LRRN2: variants seen among roughly 807,000 people sequenced by gnomAD.
The protein encoded by LRRN2 is leucine rich repeat neuronal 2, also known as leucine-rich repeat neuronal protein 2.
LRRN2 carries 10 observed loss-of-function variants against 35.7 expected under a neutral mutation model. The observed-to-expected ratio is 0.28, with a 90% confidence interval of 0.17 to 0.47. The LOEUF (loss-of-function observed/expected upper bound fraction) is 0.47. Ranked by LOEUF, LRRN2 falls within the 20% of genes least tolerant of loss-of-function variation. The pLI is 0.99. For synonymous variants in LRRN2, 391 were observed against 409.6 expected, an observed-to-expected ratio of 0.95 and a Z score of 0.55; for missense variants, 731 against 940.3, an observed-to-expected ratio of 0.78 and a Z score of 2.91.
At chr1:204,683,846 C>A (rs993995536) in intron 1 of LRRN2, among the ~76,000 whole-genome samples, 1 of 152,212 alleles carries the variant, frequency 6.6e-6, no homozygotes, top group South Asian at 2.1e-4. Context: ...CTGTTTCCAT[C>A]GTTTCGCCAC....
chr1:204,656,130 C>G (rs1337169184), intron 1 of LRRN2, among the ~76,000 whole-genome samples: 1 of 151,894 alleles, frequency 6.6e-6, no homozygotes, highest in Non-Finnish European at 1.5e-5. Flanking sequence ...AGGATGGTCT[C>G]GATCTCCTGA....
intron 1 of LRRN2, among the ~76,000 whole-genome samples, chr1:204,661,110 TTC>T (rs557635242): frequency 1.3e-5 from 2 of 152,106 alleles, no homozygotes; most frequent in African/African-American, 4.8e-5. Context: ...ATTAATTTTT[TTC>T]TCTCTCTCTA....
At chr1:204,674,984 G>C (rs189623055) in intron 1 of LRRN2, among the ~76,000 whole-genome samples, 6 of 152,206 alleles carry the variant, frequency 3.9e-5, no homozygotes, top group African/African-American at 1.4e-4. Flanking sequence ...TAACGGACGA[G>C]TTCATGAGAG....
Position 204,618,845 on chromosome 1 carries a change from G to A in LRRN2, c.1148C>T (p.Thr383Met), listed in dbSNP as rs771585869. 15 of 1,614,132 alleles carry A rather than the reference G, an allele frequency of 9.3e-6. No homozygotes were observed. Among genetic ancestry groups the A allele is most frequent in the Middle Eastern group, 1.6e-4 (1 of 6,062 alleles). The change falls in exon 2 of 2, where the codon ACG (threonine) becomes ATG (methionine). Residue 383 changes from threonine to methionine, a missense_variant. Coordinates refer to ENST00000367177, the MANE Select transcript of LRRN2 (RefSeq NM_201630.2). ...CDCVIRWANA[T>M]GTRVRFIEPQ... Reference sequence around the variant, plus strand: ...CTCGATGAAGCGGACACGGGTGCCCGTGGCATTGGCCCAGCGGATGACACA... The same window carrying A: ...CTCGATGAAGCGGACACGGGTGCCCATGGCATTGGCCCAGCGGATGACACA...
At chr1:204,642,084 GA>G (rs1667991049) in intron 1 of LRRN2, among the ~76,000 whole-genome samples, 1 of 152,216 alleles carries the variant, frequency 6.6e-6, no homozygotes, top group Admixed American at 6.5e-5. Flanking sequence ...AGCAGATTTG[GA>G]GGCTGTATTA....
At chr1:204,627,677 G>C (rs1179651334) in intron 1 of LRRN2, among the ~76,000 whole-genome samples, 1 of 152,240 alleles carries the variant, frequency 6.6e-6, no homozygotes, top group African/African-American at 2.4e-5. Context: ...CAGCCTGTTG[G>C]GGGCACGGAG....
chr1:204,656,456 A>G (rs1246470581), intron 1 of LRRN2, among the ~76,000 whole-genome samples: 2 of 152,136 alleles, frequency 1.3e-5, no homozygotes, highest in Non-Finnish European at 2.9e-5. Flanking sequence ...ATTCTTAACA[A>G]TTTGTCTCTC....
intron 1 of LRRN2, among the ~76,000 whole-genome samples, chr1:204,622,637 G>T (rs1367764785): frequency 6.6e-6 from 1 of 152,096 alleles, no homozygotes; most frequent in East Asian, 1.9e-4. Context: ...AGGGAATTTT[G>T]TGGTGGTCTA....
intron 1 of LRRN2, among the ~76,000 whole-genome samples, chr1:204,623,077 A>G (rs1420113657): frequency 2.6e-5 from 4 of 152,128 alleles, no homozygotes; most frequent in Non-Finnish European, 5.9e-5. Context: ...AGCAAGTGCC[A>G]TGCTAGTTGG....
At chr1:204,677,803 A>G (rs1173219731) in intron 1 of LRRN2, among the ~76,000 whole-genome samples, 2 of 152,202 alleles carry the variant, frequency 1.3e-5, no homozygotes, top group Non-Finnish European at 2.9e-5. Context: ...ACACTGGATA[A>G]TGGATTTCCT....
intron 1 of LRRN2, among the ~76,000 whole-genome samples, chr1:204,631,540 A>AGAG (rs1351299568): frequency 2.0e-5 from 3 of 151,472 alleles, no homozygotes; most frequent in Admixed American, 2.0e-4. Context: ...AAGTTGTCAC[A>AGAG]GAGCAAGGGC....
In LRRN2 at chr1:204,617,676, C is replaced by T. The variant is rs181038990; in HGVS notation, c.*175G>A. 383 of 711,682 alleles carry T rather than the reference C, an allele frequency of 5.4e-4. 1 individual carries two copies. The African/African-American group carries it at 6.3e-3, about 12-fold the overall frequency. 44.1% of individuals were successfully genotyped at this position (711,682 alleles called of 1,614,324 possible). ...CCCTAGGAGGTAAGGGCAACTTTTT[C>T]GAGGCTGCAGAAGCACCCCCAGGGC... On this transcript the variant is annotated 3_prime_UTR_variant, in exon 2 of 2. Coordinates refer to ENST00000367177, the MANE Select transcript of LRRN2 (RefSeq NM_201630.2).
At chr1:204,640,065 C>A (rs182669014) in intron 1 of LRRN2, among the ~76,000 whole-genome samples, 10 of 152,272 alleles carry the variant, frequency 6.6e-5, no homozygotes, top group African/African-American at 2.2e-4. Flanking sequence ...TCCATTTGGG[C>A]AGCTATAACA....
Position 204,632,628 on chromosome 1 carries a change from C to CAA in LRRN2, c.-226-12412_-226-12411dup, listed in dbSNP as rs10719120. On this transcript the variant is annotated intron_variant, in intron 1 of 1. Transcript: ENST00000367177. ...TGGGTGACAGAGTGAGACTCTGTCT[C>CAA]AAAAAAAAAAAAAAAAAAATTCGCC... is the stretch of plus-strand genomic sequence containing the variant. Among the ~76,000 whole-genome samples, 406 of 104,522 alleles carry CAA rather than the reference C, an allele frequency of 3.9e-3. 1 individual carries two copies. Among genetic ancestry groups the CAA allele is most frequent in the Non-Finnish European group, 5.6e-3 (294 of 52,434 alleles). The allele number at this position is 104,522 out of a possible 152,430, so 68.6% of individuals were successfully genotyped here.
intron 1 of LRRN2, among the ~76,000 whole-genome samples, chr1:204,651,409 T>G (rs1241073926): frequency 6.6e-6 from 1 of 152,118 alleles, no homozygotes; most frequent in East Asian, 1.9e-4. Flanking sequence ...AGCTGCTATG[T>G]TTGTGGTGAT....
intron 1 of LRRN2, among the ~76,000 whole-genome samples, chr1:204,640,733 C>T (rs943943049): frequency 6.6e-6 from 1 of 152,132 alleles, no homozygotes; most frequent in Non-Finnish European, 1.5e-5. Flanking sequence ...TCCCTTGTCC[C>T]ACTGGCAGAG....
intron 1 of LRRN2, among the ~76,000 whole-genome samples, chr1:204,648,632 C>T (rs1668160386): frequency 6.6e-6 from 1 of 152,182 alleles, no homozygotes; most frequent in Admixed American, 6.5e-5. Context: ...GCCCCCCCAC[C>T]CAACCTACTT....
At chr1:204,661,245 G>A (rs1211794825) in intron 1 of LRRN2, among the ~76,000 whole-genome samples, 1 of 152,154 alleles carries the variant, frequency 6.6e-6, no homozygotes, top group African/African-American at 2.4e-5. Flanking sequence ...TTCAAAAACA[G>A]GCTAAACTAG....
At chr1:204,644,567 A>C (rs1668059039) in intron 1 of LRRN2, among the ~76,000 whole-genome samples, 1 of 152,106 alleles carries the variant, frequency 6.6e-6, no homozygotes, top group African/African-American at 2.4e-5. Context: ...GGGAGCTCAT[A>C]ATTATCCTCC....
Sources: allele counts gnomAD v4.1 joint callset (sites outside exome capture counted in the v4.1 genomes callset), GRCh38; gene constraint gnomAD v4.1.1; transcripts MANE v1.5; gene names NCBI Gene and HGNC (gene_info 2026-07-23, HGNC 2026-07-21).